NDUFAF2: variants seen among roughly 807,000 people sequenced by gnomAD.
NDUFAF2 encodes NADH:ubiquinone oxidoreductase complex assembly factor 2, also known as NADH dehydrogenase [ubiquinone] 1 alpha subcomplex assembly factor 2.
Under a neutral mutation model 22.8 loss-of-function variants are expected in NDUFAF2, and 13 were observed. The ratio of observed to expected loss-of-function variants is 0.57; its 90% CI spans 0.37 to 0.91. NDUFAF2 has a LOEUF of 0.91. Ranked by LOEUF, NDUFAF2 falls within the 40% of genes least tolerant of loss-of-function variation. NDUFAF2 has a pLI of 0.01. For missense variants in NDUFAF2, 162 were observed against 195.2 expected, an observed-to-expected ratio of 0.83 and a Z score of 1.01; for synonymous variants, 53 against 64.2, an observed-to-expected ratio of 0.83 and a Z score of 0.84.
At chr5:60,986,984 T>A (rs1295612276) in intron 1 of NDUFAF2, among the ~76,000 whole-genome samples, 1 of 146,242 alleles carries the variant, frequency 6.8e-6, no homozygotes, top group Non-Finnish European at 1.5e-5. Context: ...CAAGGACCAA[T>A]GAATCCAGGA....
intron 2 of NDUFAF2, among the ~76,000 whole-genome samples, chr5:61,096,538 G>A (rs1354877729): frequency 5.4e-5 from 8 of 148,220 alleles, no homozygotes; most frequent in East Asian, 4.0e-4. Flanking sequence ...GTCGGAGGTT[G>A]CAGTGAGCCA....
At chr5:61,143,907 C>T (rs1741092395) in intron 3 of NDUFAF2, among the ~76,000 whole-genome samples, 1 of 150,320 alleles carries the variant, frequency 6.7e-6, no homozygotes, top group South Asian at 2.1e-4. Context: ...TTTATAAATA[C>T]TAAACTTTAG....
At chr5:61,000,490 A>G (rs1751282292) in intron 1 of NDUFAF2, among the ~76,000 whole-genome samples, 1 of 152,188 alleles carries the variant, frequency 6.6e-6, no homozygotes, top group African/African-American at 2.4e-5. Context: ...AGTAAATGAC[A>G]TGTTAATATT....
intron 1 of NDUFAF2, among the ~76,000 whole-genome samples, chr5:60,976,132 G>T (rs1293299747): frequency 6.6e-6 from 1 of 151,960 alleles, no homozygotes; most frequent in Non-Finnish European, 1.5e-5. Flanking sequence ...GTAGTTATAA[G>T]GGTCTACTAT....
chr5:60,996,419 T>C (rs1280501026), intron 1 of NDUFAF2, among the ~76,000 whole-genome samples: 1 of 152,052 alleles, frequency 6.6e-6, no homozygotes, highest in Non-Finnish European at 1.5e-5. Flanking sequence ...ACCTTAGATG[T>C]AAGACAGAGT....
chr5:61,060,930 A>G (rs1752157945), intron 1 of NDUFAF2, among the ~76,000 whole-genome samples: 1 of 152,096 alleles, frequency 6.6e-6, no homozygotes, highest in African/African-American at 2.4e-5. Flanking sequence ...AGGCTGCCCA[A>G]ATATCTCTCC....
intron 1 of NDUFAF2, among the ~76,000 whole-genome samples, chr5:60,956,390 T>G (rs1046189878): frequency 6.6e-6 from 1 of 152,152 alleles, no homozygotes; most frequent in Non-Finnish European, 1.5e-5. Context: ...TGTTTTTGAA[T>G]AGGAGTGGTG....
intron 1 of NDUFAF2, among the ~76,000 whole-genome samples, chr5:60,952,893 A>G (rs1750566654): frequency 6.6e-6 from 1 of 152,084 alleles, no homozygotes; most frequent in African/African-American, 2.4e-5. Context: ...ACACATTTAT[A>G]ATTGAAAGAT....
intron 1 of NDUFAF2, among the ~76,000 whole-genome samples, chr5:60,986,947 A>G (rs113077968): frequency 0.047 from 7,050 of 151,486 alleles, 579 homozygotes; most frequent in African/African-American, 0.16. Context: ...CAAAAAAAAA[A>G]AAAAAAAAGA....
At chr5:61,011,755 T>C (rs983402309) in intron 1 of NDUFAF2, among the ~76,000 whole-genome samples, 1 of 152,142 alleles carries the variant, frequency 6.6e-6, no homozygotes, top group African/African-American at 2.4e-5. Flanking sequence ...TGGTCTTCCC[T>C]GGCAGGTTGT....
intron 2 of NDUFAF2, among the ~76,000 whole-genome samples, chr5:61,077,580 G>T (rs1561558604): frequency 6.6e-6 from 1 of 152,154 alleles, no homozygotes; most frequent in South Asian, 2.1e-4. Context: ...TGATGAAGCA[G>T]TACTTGGAGA....
intron 1 of NDUFAF2, among the ~76,000 whole-genome samples, chr5:60,989,453 T>C (rs1751127873): frequency 6.6e-6 from 1 of 152,194 alleles, no homozygotes; most frequent in Non-Finnish European, 1.5e-5. Flanking sequence ...CATATGCACA[T>C]GTATGTTCAT....
intron 1 of NDUFAF2, among the ~76,000 whole-genome samples, chr5:61,051,991 G>GTA (rs1752030240): frequency 6.6e-6 from 1 of 152,124 alleles, no homozygotes; most frequent in African/African-American, 2.4e-5. Context: ...ACTTAGAGAA[G>GTA]TATAACTATT....
Position 61,044,308 on chromosome 5 carries a change from C to T in NDUFAF2, c.128-28817C>T, listed in dbSNP as rs78537001. 7.5e-3 allele frequency among the ~76,000 whole-genome samples: 1,135 copies of T among 151,904 alleles called. 13 individuals carry two copies. The highest frequency in any genetic ancestry group is 0.026 in the African/African-American group (1,062 of 41,446). ...TCTCCCATTCTCTAGGTTGTATCTTCACTCTGTTTTACTTTGTTTGTTTTA... is the reference window on the plus strand; with the variant it reads ...TCTCCCATTCTCTAGGTTGTATCTTTACTCTGTTTTACTTTGTTTGTTTTA... On this transcript the variant is annotated intron_variant, in intron 1 of 3. Coordinates refer to ENST00000296597, the MANE Select transcript of NDUFAF2 (RefSeq NM_174889.5).
At position 60,945,232 on chromosome 5, in the gene NDUFAF2, A is replaced by T; in HGVS notation, c.-24A>T. The T allele has an allele frequency of 3.1e-6, 5 of 1,611,064 alleles. No homozygotes were observed. The Admixed American group carries it at 8.4e-5, about 27-fold the overall frequency. On this transcript the variant is annotated 5_prime_UTR_variant, in exon 1 of 4. Coordinates refer to ENST00000296597, the MANE Select transcript of NDUFAF2 (RefSeq NM_174889.5). Reference sequence around the variant, plus strand: ...CCCTACTGCGGGTCCCGCTGCTGGCAGCGCTGGAAACTGGGTGGACGGCAT... The same window carrying T: ...CCCTACTGCGGGTCCCGCTGCTGGCTGCGCTGGAAACTGGGTGGACGGCAT...
chr5:60,956,457 C>T (rs879336053), intron 1 of NDUFAF2, among the ~76,000 whole-genome samples: 3 of 152,126 alleles, frequency 2.0e-5, no homozygotes, highest in Non-Finnish European at 2.9e-5. Flanking sequence ...CTGTTTTTCA[C>T]TCTTGAATAT....
In NDUFAF2 at chr5:61,098,161, A is replaced by G. The variant is rs564531670; in HGVS notation, c.218-831A>G. The stretch of plus-strand genomic sequence containing the variant: ...AGTAAACATTTATGTATATTATCTT[A>G]TATAATTTTCACAACAACCCTGAAG... On this transcript the variant is annotated intron_variant, in intron 2 of 3. Transcript: ENST00000296597. 1.9e-3 allele frequency among the ~76,000 whole-genome samples: 282 copies of G among 152,328 alleles called. 1 individual carries two copies. Among genetic ancestry groups the G allele is most frequent in the African/African-American group, 6.1e-3 (254 of 41,576 alleles).
chr5:61,065,269 ACAGT>A (rs778593342), intron 1 of NDUFAF2, among the ~76,000 whole-genome samples: 2 of 152,108 alleles, frequency 1.3e-5, no homozygotes, highest in African/African-American at 2.4e-5. Context: ...ATTCTACCAC[ACAGT>A]CAAAGAAGAA....
intron 1 of NDUFAF2, among the ~76,000 whole-genome samples, chr5:61,036,132 G>T (rs1269135998): frequency 1.3e-5 from 2 of 152,184 alleles, no homozygotes; most frequent in Non-Finnish European, 2.9e-5. Context: ...GGCAGGCCTG[G>T]AAGAAGCATA....
Sources: allele counts gnomAD v4.1 joint callset (sites outside exome capture counted in the v4.1 genomes callset), GRCh38; gene constraint gnomAD v4.1.1; transcripts MANE v1.5; gene names NCBI Gene and HGNC (gene_info 2026-07-23, HGNC 2026-07-21).